UBE2D2: variants seen among roughly 807,000 people sequenced by gnomAD.
UBE2D2 encodes ubiquitin-conjugating enzyme E2 D2.
A neutral mutation model predicts 24.2 loss-of-function variants in UBE2D2; 2 were observed. The ratio of observed to expected loss-of-function variants is 0.08; its 90% CI spans 0.03 to 0.26. UBE2D2 has a LOEUF of 0.26. Among genes scored for constraint, UBE2D2 ranks in the 10% least tolerant of loss-of-function variants. UBE2D2 has a pLI of 1.00. For synonymous variants in UBE2D2, 58 were observed against 56.5 expected (o/e 1.03, Z -0.12); for missense variants, 44 against 177.6 (o/e 0.25, Z 4.28).
chr5:139,590,538 A>G (rs1208203923), intron 1 of UBE2D2, among the ~76,000 whole-genome samples: 2 of 152,122 alleles, frequency 1.3e-5, no homozygotes, highest in East Asian at 1.9e-4. Flanking sequence ...AGCAAAGTAC[A>G]GAAGAGTACA....
chr5:139,538,881 A>G (rs1474862266), intron 1 of UBE2D2, among the ~76,000 whole-genome samples: 7 of 152,096 alleles, frequency 4.6e-5, no homozygotes, highest in Non-Finnish European at 1.0e-4. Context: ...AAAAAAAAAA[A>G]AAGCATTTTC....
intron 1 of UBE2D2, among the ~76,000 whole-genome samples, chr5:139,590,476 C>T (rs1753820705): frequency 6.6e-6 from 1 of 150,546 alleles, no homozygotes; most frequent in Non-Finnish European, 1.5e-5. Flanking sequence ...AAGGAACAAA[C>T]TAGATCTACC....
At chr5:139,549,363 C>A (rs1259109720) in intron 1 of UBE2D2, among the ~76,000 whole-genome samples, 1 of 152,186 alleles carries the variant, frequency 6.6e-6, no homozygotes, top group East Asian at 1.9e-4. Context: ...CAGGCAGGAA[C>A]TGGGGCTGCG....
At chr5:139,539,087 C>A (rs889738627) in intron 1 of UBE2D2, among the ~76,000 whole-genome samples, 1 of 151,806 alleles carries the variant, frequency 6.6e-6, no homozygotes, top group East Asian at 1.9e-4. Flanking sequence ...TGCAGTGGTG[C>A]GATCTCAGCT....
upstream of UBE2D2, among the ~76,000 whole-genome samples, chr5:139,560,492 G>A (rs979691083): frequency 6.6e-6 from 1 of 151,738 alleles, no homozygotes; most frequent in African/African-American, 2.4e-5. Context: ...GACCGTGCCC[G>A]GCCTAATTTT....
At chr5:139,528,834 C>G (rs1285087094) in intron 1 of UBE2D2, among the ~76,000 whole-genome samples, 1 of 152,176 alleles carries the variant, frequency 6.6e-6, no homozygotes, top group Non-Finnish European at 1.5e-5. Context: ...GGCCCAACCA[C>G]TGAGACCACG....
chr5:139,590,064 G>A (rs989273742), intron 1 of UBE2D2, among the ~76,000 whole-genome samples: 5 of 152,050 alleles, frequency 3.3e-5, no homozygotes, highest in Admixed American at 1.3e-4. Context: ...GATTACAGGC[G>A]TGAGCCATTG....
chr5:139,611,328 A>G (rs1270111238), intron 2 of UBE2D2, among the ~76,000 whole-genome samples: 1 of 151,830 alleles, frequency 6.6e-6, no homozygotes, highest in East Asian at 1.9e-4. Flanking sequence ...CTGGGATTAC[A>G]GACGCCCGCC....
intron 1 of UBE2D2, among the ~76,000 whole-genome samples, chr5:139,594,748 T>C (rs1179055183): frequency 1.3e-5 from 2 of 152,318 alleles, no homozygotes; most frequent in Admixed American, 1.3e-4. Flanking sequence ...TGTTCTACTT[T>C]AACTGTCAAA....
At chr5:139,604,841 C>A (rs569531087) in intron 2 of UBE2D2, among the ~76,000 whole-genome samples, 1 of 149,618 alleles carries the variant, frequency 6.7e-6, no homozygotes, top group Non-Finnish European at 1.5e-5. Flanking sequence ...GATTTGGCCA[C>A]TATACTCTAG....
chr5:139,614,061 CAAAAA>C (rs34610126), intron 2 of UBE2D2, among the ~76,000 whole-genome samples: 1 of 89,220 alleles, frequency 1.1e-5, no homozygotes. Context: ...GACTCTGTCT[CAAAAA>C]AAAAAAAAAA....
chr5:139,579,210 C>T (rs758401878), intron 1 of UBE2D2, among the ~76,000 whole-genome samples: 21 of 152,264 alleles, frequency 1.4e-4, no homozygotes, highest in Admixed American at 1.2e-3. Flanking sequence ...TGCAATGGTG[C>T]GATCTTGGCT....
At position 139,548,193 on chromosome 5, in the gene UBE2D2, A is replaced by AAATAAATAAATAAAT. The variant is rs1752862660; in HGVS notation, c.-64+21583_-64+21584insTAAATAAATAAATAA. On this transcript the variant is annotated intron_variant, in intron 1 of 6. Coordinates refer to the UBE2D2 transcript ENST00000511725. ...AAAAAAAAAAAAAAAATAAAAAAAAAAAATAAATAAATAAATAAATAAACG... is the reference window on the plus strand; with the variant it reads ...AAAAAAAAAAAAAAAATAAAAAAAAAAATAAATAAATAAATAAATAAATAAATAAATAAATAAACG... Among the ~76,000 whole-genome samples, 112 of 47,002 alleles carry AAATAAATAAATAAAT rather than the reference A, an allele frequency of 2.4e-3. 1 individual carries two copies. Among genetic ancestry groups the AAATAAATAAATAAAT allele is most frequent in the South Asian group, 3.3e-3 (5 of 1,508 alleles). The allele number at this position is 47,002 out of a possible 152,430, so 30.8% of individuals were successfully genotyped here.
chr5:139,564,312 C>T (rs1225105456), intron 1 of UBE2D2, among the ~76,000 whole-genome samples: 1 of 151,532 alleles, frequency 6.6e-6, no homozygotes, highest in Non-Finnish European at 1.5e-5. Flanking sequence ...CACCACCACA[C>T]CTGTCTAATT....
chr5:139,591,865 A>G (rs1753852376), intron 1 of UBE2D2, among the ~76,000 whole-genome samples: 2 of 152,188 alleles, frequency 1.3e-5, no homozygotes, highest in Non-Finnish European at 2.9e-5. Context: ...GGGAGAATGC[A>G]GGTACTATAG....
intron 1 of UBE2D2, among the ~76,000 whole-genome samples, chr5:139,541,110 C>G (rs1291199197): frequency 6.6e-6 from 1 of 151,962 alleles, no homozygotes; most frequent in Non-Finnish European, 1.5e-5. Context: ...GCAGCCTGGC[C>G]AACATGGTGA....
chr5:139,545,369 T>C (rs1416127690), intron 1 of UBE2D2, among the ~76,000 whole-genome samples: 1 of 151,544 alleles, frequency 6.6e-6, no homozygotes, highest in Non-Finnish European at 1.5e-5. Context: ...CTCTCAGCTT[T>C]GTCTTCTATT....
At chr5:139,559,449 T>G (rs1325691870), upstream of UBE2D2, among the ~76,000 whole-genome samples, 4 of 151,152 alleles carry the variant, frequency 2.6e-5, no homozygotes, top group Non-Finnish European at 5.9e-5. Context: ...AAGAAATCTG[T>G]CCAGTGGAGA....
At chr5:139,572,297 G>A (rs1753367112) in intron 1 of UBE2D2, among the ~76,000 whole-genome samples, 1 of 152,160 alleles carries the variant, frequency 6.6e-6, no homozygotes, top group Non-Finnish European at 1.5e-5. Flanking sequence ...ATGCATACTT[G>A]TATTAAAATT....
Sources: gnomAD v4.1 joint callset for allele counts (sites outside exome capture counted in the v4.1 genomes callset) on GRCh38, gnomAD v4.1.1 for gene constraint, MANE v1.5 for transcripts, NCBI Gene and HGNC (gene_info 2026-07-23, HGNC 2026-07-21) for gene names.